Variants in PALM2AKAP2 observed in about 807,000 individuals in gnomAD.
PALM2AKAP2 encodes PALM2 and AKAP2 fusion, also known as PALM2-AKAP2 fusion protein.
Under a neutral mutation model 71.5 loss-of-function variants are expected in PALM2AKAP2, and 37 were observed. The observed-to-expected ratio is 0.52, with a 90% CI of 0.40 to 0.68. The LOEUF (loss-of-function observed/expected upper bound fraction) is 0.68. Ranked by LOEUF, PALM2AKAP2 falls within the 30% of genes least tolerant of loss-of-function variation. The pLI is 0.00. For synonymous variants in PALM2AKAP2, 468 were observed against 478.8 expected, an observed-to-expected ratio of 0.98 and a Z score of 0.29; for missense variants, 1,224 against 1,191.8, an observed-to-expected ratio of 1.03 and a Z score of -0.40.
At chr9:109,696,870 A>G (rs1232935221) in intron 1 of PALM2AKAP2, among the ~76,000 whole-genome samples, 5 of 152,304 alleles carry the variant, frequency 3.3e-5, no homozygotes, top group East Asian at 1.9e-4. Flanking sequence ...TTGGCAATAT[A>G]CAAAGCCAAT....
intron 3 of PALM2AKAP2, among the ~76,000 whole-genome samples, chr9:109,893,793 C>T (rs1417655541): frequency 6.6e-6 from 1 of 152,074 alleles, no homozygotes; most frequent in Non-Finnish European, 1.5e-5. Context: ...GATGAGAACA[C>T]GTGGACACGT....
chr9:110,132,405 G>A (rs1835755364), intron 1 of PALM2AKAP2, among the ~76,000 whole-genome samples: 1 of 151,614 alleles, frequency 6.6e-6, no homozygotes. Context: ...TCCTCACCCA[G>A]GCTGGAATGC....
chr9:110,149,862 A>C (rs1476691035), intron 2 of PALM2AKAP2, among the ~76,000 whole-genome samples: 2 of 152,184 alleles, frequency 1.3e-5, no homozygotes, highest in African/African-American at 2.4e-5. Flanking sequence ...TCTGCTATGG[A>C]TGACTATCTG....
Position 109,658,632 on chromosome 9 carries a change from A to G in PALM2AKAP2, c.5+17766A>G, listed in dbSNP as rs116390378. Among the ~76,000 whole-genome samples the G allele has an allele frequency of 7.1e-3, 1,086 of 152,296 alleles. 18 individuals are homozygous for G. Among genetic ancestry groups the G allele is most frequent in the African/African-American group, 0.025 (1,059 of 41,540 alleles). ...GTAAAAGAGGTTTAATGGACTCACAATTGCACACGGCTGAGGAGGCCTCAC... is the reference window on the plus strand; with the variant it reads ...GTAAAAGAGGTTTAATGGACTCACAGTTGCACACGGCTGAGGAGGCCTCAC... On this transcript the variant is annotated intron_variant, in intron 1 of 6. Coordinates refer to the PALM2AKAP2 transcript ENST00000374531.
chr9:109,866,351 T>A (rs978478989), intron 1 of PALM2AKAP2, among the ~76,000 whole-genome samples: 3 of 152,186 alleles, frequency 2.0e-5, no homozygotes, highest in Non-Finnish European at 4.4e-5. Flanking sequence ...TCTCCCTGCA[T>A]ATGTGAGTAA....
At chr9:110,064,327 T>C (rs1436254113) in intron 1 of PALM2AKAP2, among the ~76,000 whole-genome samples, 1 of 152,092 alleles carries the variant, frequency 6.6e-6, no homozygotes, top group Non-Finnish European at 1.5e-5. Context: ...CCCCTAGTAG[T>C]GTGTATGCTC....
At chr9:109,753,957 G>A (rs143595700) in intron 1 of PALM2AKAP2, among the ~76,000 whole-genome samples, 85 of 152,104 alleles carry the variant, frequency 5.6e-4, no homozygotes, top group African/African-American at 1.9e-3. Context: ...TCACTGCCCC[G>A]GTATAACTAC....
chr9:110,114,260 A>G (rs1190192038), intron 1 of PALM2AKAP2, among the ~76,000 whole-genome samples: 1 of 152,184 alleles, frequency 6.6e-6, no homozygotes, highest in Non-Finnish European at 1.5e-5. Flanking sequence ...TAAATGAATC[A>G]TTCCAAATTC....
chr9:110,008,338 G>A (rs1832820428), intron 6 of PALM2AKAP2, among the ~76,000 whole-genome samples: 1 of 152,056 alleles, frequency 6.6e-6, no homozygotes, highest in African/African-American at 2.4e-5. Flanking sequence ...TGGAAACAGA[G>A]AGTGGCCCAA....
At chr9:110,145,351 C>CCTAGCTGCT (rs1350097661) in intron 2 of PALM2AKAP2, among the ~76,000 whole-genome samples, 1 of 152,194 alleles carries the variant, frequency 6.6e-6, no homozygotes, top group African/African-American at 2.4e-5. Flanking sequence ...AGCCATCTAG[C>CCTAGCTGCT]CTAGCTGCTC....
chr9:110,067,727 T>C (rs1194687738), intron 1 of PALM2AKAP2, among the ~76,000 whole-genome samples: 8 of 152,220 alleles, frequency 5.3e-5, no homozygotes, highest in African/African-American at 1.4e-4. Flanking sequence ...TTTACTAGTA[T>C]GAATGAAAAT....
In PALM2AKAP2 at chr9:109,972,567, T is replaced by G. The variant is rs779279837; in HGVS notation, c.496+40539T>G. On this transcript the variant is annotated intron_variant, in intron 6 of 9. Coordinates refer to the PALM2AKAP2 transcript ENST00000302798. ...TGGCTGGATGACCTTTAGCGTATTC[T>G]TCATGCTTTGATGCCTGTTTCCCCA... Among the ~76,000 whole-genome samples, 100 of 152,216 alleles carry G rather than the reference T, an allele frequency of 6.6e-4. 1 individual carries two copies. The highest frequency in any genetic ancestry group is 2.6e-4 in the Non-Finnish European group (18 of 68,030).
intron 1 of PALM2AKAP2, among the ~76,000 whole-genome samples, chr9:110,132,453 C>A (rs1835756195): frequency 6.6e-6 from 1 of 151,914 alleles, no homozygotes; most frequent in Admixed American, 6.6e-5. Context: ...GATTCTCTTG[C>A]CAAATAGCTA....
In PALM2AKAP2 at chr9:110,098,053, C is replaced by G. The variant is rs865947858; in HGVS notation, c.157-38074C>G. Among the ~76,000 whole-genome samples the G allele has an allele frequency of 7.3e-3, 1,046 of 143,812 alleles. 53 individuals are homozygous for G. The highest frequency in any genetic ancestry group is 0.027 in the African/African-American group (994 of 36,516). 94.3% of individuals were successfully genotyped at this position (143,812 alleles called of 152,430 possible). The stretch of plus-strand genomic sequence containing the variant: ...GCGCGTGCCTGCAATCGCAGGCACT[C>G]GGCAGGCTGAGGCAGGAGAATCAGG... On this transcript the variant is annotated intron_variant, in intron 1 of 3. Coordinates refer to ENST00000374525, the Ensembl canonical transcript of PALM2AKAP2.
chr9:109,743,743 T>A (rs1156749506), intron 1 of PALM2AKAP2, among the ~76,000 whole-genome samples: 2 of 152,214 alleles, frequency 1.3e-5, no homozygotes, highest in Non-Finnish European at 2.9e-5. Flanking sequence ...GTGTGCAACG[T>A]CTTAATACAC....
intron 1 of PALM2AKAP2, among the ~76,000 whole-genome samples, chr9:109,814,551 A>G (rs1827805568): frequency 6.6e-6 from 1 of 152,216 alleles, no homozygotes; most frequent in Non-Finnish European, 1.5e-5. Flanking sequence ...CATATGCAGA[A>G]TAAGTGTTGA....
At chr9:109,983,716 T>G (rs1432535564) in intron 6 of PALM2AKAP2, among the ~76,000 whole-genome samples, 1 of 151,882 alleles carries the variant, frequency 6.6e-6, no homozygotes, top group Admixed American at 6.6e-5. Flanking sequence ...AATACCAAAA[T>G]TAGCCAGGCA....
chr9:109,964,458 C>T (rs999757482), intron 6 of PALM2AKAP2, among the ~76,000 whole-genome samples: 10 of 152,200 alleles, frequency 6.6e-5, no homozygotes, highest in East Asian at 1.9e-4. Flanking sequence ...CCAGTAGGAG[C>T]GAGAGAAGAA....
At chr9:109,791,651 A>AG (rs1359400121) in intron 1 of PALM2AKAP2, among the ~76,000 whole-genome samples, 1 of 152,122 alleles carries the variant, frequency 6.6e-6, no homozygotes, top group Non-Finnish European at 1.5e-5. Flanking sequence ...GCCTTATGTT[A>AG]GGGGGGTGAG....
Sources: allele counts gnomAD v4.1 joint callset (sites outside exome capture counted in the v4.1 genomes callset), GRCh38; gene constraint gnomAD v4.1.1; transcripts MANE v1.5; gene names NCBI Gene and HGNC (gene_info 2026-07-23, HGNC 2026-07-21).